The following PDE3B variants were observed in gnomAD, a reference collection of about 807,000 sequenced individuals.
The protein encoded by PDE3B is phosphodiesterase 3B, also known as cGMP-inhibited 3',5'-cyclic phosphodiesterase 3B.
PDE3B carries 66 observed loss-of-function variants against 116.8 expected under a neutral mutation model. The observed-to-expected ratio is 0.56, with a 90% confidence interval of 0.46 to 0.69. PDE3B has a LOEUF of 0.69. Among genes scored for constraint, PDE3B ranks in the 30% least tolerant of loss-of-function variants. The pLI is 0.00. For synonymous variants in PDE3B, 595 were observed against 533.6 expected (o/e 1.12, Z -1.59); for missense variants, 1,384 against 1,368.1 (o/e 1.01, Z -0.18).
chr11:14,778,494 A>G (rs1857863814), intron 2 of PDE3B, among the ~76,000 whole-genome samples: 1 of 152,114 alleles, frequency 6.6e-6, no homozygotes, highest in Non-Finnish European at 1.5e-5. Context: ...AGGCAGCAAC[A>G]TTTGCCTTTC....
chr11:14,793,208 C>G (rs1241250174), intron 4 of PDE3B, among the ~76,000 whole-genome samples: 1 of 152,056 alleles, frequency 6.6e-6, no homozygotes, highest in Non-Finnish European at 1.5e-5. Context: ...TCTCTGAGTT[C>G]TAGTTTTAGT....
chr11:14,879,407 G>A, the PDE3B span: 1 of 1,606,054 alleles, frequency 6.2e-7, no homozygotes, highest in African/African-American at 1.3e-5. Flanking sequence ...CTTCCCATTA[G>A]GGCCCATAAT....
At chr11:14,880,541 G>A in the PDE3B span, 10 of 1,613,230 alleles carry the variant, frequency 6.2e-6, no homozygotes, top group Non-Finnish European at 8.5e-6. Flanking sequence ...TAAGTGAATC[G>A]TTCTCCAAAA....
intron 5 of PDE3B, among the ~76,000 whole-genome samples, chr11:14,806,191 G>A (rs921629478): frequency 4.6e-5 from 7 of 151,814 alleles, no homozygotes; most frequent in Non-Finnish European, 8.8e-5. Flanking sequence ...GGTGGTGCAC[G>A]CCTGTAATCC....
At chr11:14,883,865 G>A in the PDE3B span, among the ~76,000 whole-genome samples, 5 of 152,120 alleles carry the variant, frequency 3.3e-5, no homozygotes, top group African/African-American at 1.2e-4. Context: ...CAACAAGTGG[G>A]CGAAGGACAT....
chr11:14,817,215 C>A (rs1250191326), intron 5 of PDE3B, among the ~76,000 whole-genome samples: 1 of 151,762 alleles, frequency 6.6e-6, no homozygotes, highest in Admixed American at 6.6e-5. Flanking sequence ...TATGTCCTCA[C>A]TCATAGGTGG....
At chr11:14,728,654 A>T (rs887763983) in intron 1 of PDE3B, among the ~76,000 whole-genome samples, 5 of 152,084 alleles carry the variant, frequency 3.3e-5, no homozygotes, top group Non-Finnish European at 7.4e-5. Flanking sequence ...GATCTACTTG[A>T]TACTTAAGCT....
At chr11:14,841,444 C>T (rs144684321) in intron 11 of PDE3B, among the ~76,000 whole-genome samples, 316 of 149,812 alleles carry the variant, frequency 2.1e-3, no homozygotes, top group Non-Finnish European at 3.6e-3. Context: ...AGGCCATTCA[C>T]TGCAAAGAAG....
chr11:14,834,182 A>G (rs978075266), intron 10 of PDE3B, among the ~76,000 whole-genome samples: 2 of 152,188 alleles, frequency 1.3e-5, no homozygotes, highest in Admixed American at 1.3e-4. Context: ...AAACAATATT[A>G]TTTTATCTAC....
chr11:14,675,280 T>C (rs1327177318), intron 1 of PDE3B, among the ~76,000 whole-genome samples: 1 of 152,196 alleles, frequency 6.6e-6, no homozygotes, highest in East Asian at 1.9e-4. Flanking sequence ...TCTCTATTTC[T>C]TAAGAGCAGA....
chr11:14,735,798 C>T (rs1272794152), intron 1 of PDE3B, among the ~76,000 whole-genome samples: 1 of 152,084 alleles, frequency 6.6e-6, no homozygotes, highest in South Asian at 2.1e-4. Context: ...TTTTAGGGTA[C>T]ACATTCAAGG....
chr11:14,727,625 A>G (rs1443151378), intron 1 of PDE3B, among the ~76,000 whole-genome samples: 2 of 152,060 alleles, frequency 1.3e-5, no homozygotes, highest in Non-Finnish European at 2.9e-5. Context: ...CTTAGACTGG[A>G]TTATTGGTAA....
the PDE3B span, among the ~76,000 whole-genome samples, chr11:14,894,909 T>G: frequency 6.6e-6 from 1 of 152,270 alleles, no homozygotes; most frequent in African/African-American, 2.4e-5. Flanking sequence ...AGTATTTCAC[T>G]GTTTCATGGC....
chr11:14,805,771 G>A (rs1858898431), intron 5 of PDE3B, among the ~76,000 whole-genome samples: 1 of 152,162 alleles, frequency 6.6e-6, no homozygotes, highest in South Asian at 2.1e-4. Context: ...CAAAAGCACT[G>A]GTAAGGCTAA....
At chr11:14,732,145 G>A (rs1442998679) in intron 1 of PDE3B, among the ~76,000 whole-genome samples, 1 of 152,192 alleles carries the variant, frequency 6.6e-6, no homozygotes, top group African/African-American at 2.4e-5. Context: ...CCAAGGCCCT[G>A]AGAATGCAGC....
chr11:14,694,857 G>C (rs1855156339), intron 1 of PDE3B, among the ~76,000 whole-genome samples: 1 of 152,120 alleles, frequency 6.6e-6, no homozygotes, highest in Non-Finnish European at 1.5e-5. Flanking sequence ...ACAGAATGAA[G>C]CTTCTGTGTT....
chr11:14,733,451 A>C (rs1856516872), intron 1 of PDE3B, among the ~76,000 whole-genome samples: 1 of 152,128 alleles, frequency 6.6e-6, no homozygotes, highest in African/African-American at 2.4e-5. Context: ...TATTTCTGAT[A>C]TATTATGTAG....
chr11:14,777,446 A>G (rs563778637), intron 2 of PDE3B, among the ~76,000 whole-genome samples: 1 of 152,222 alleles, frequency 6.6e-6, no homozygotes, highest in South Asian at 2.1e-4. Flanking sequence ...ACTCTCAGAC[A>G]TGTCATAATT....
At chr11:14,764,964 A>G (rs1416776813) in intron 1 of PDE3B, among the ~76,000 whole-genome samples, 1 of 151,802 alleles carries the variant, frequency 6.6e-6, no homozygotes, top group Admixed American at 6.6e-5. Flanking sequence ...ACTTTAAACA[A>G]TTAGGAAATA....
Sources: allele counts gnomAD v4.1 joint callset (sites outside exome capture counted in the v4.1 genomes callset), GRCh38; gene constraint gnomAD v4.1.1; transcripts MANE v1.5; gene names NCBI Gene and HGNC (gene_info 2026-07-23, HGNC 2026-07-21).